The following DCC variants were observed in gnomAD, a reference collection of about 807,000 sequenced individuals.
DCC encodes netrin receptor DCC.
Under a neutral mutation model 172.5 loss-of-function variants are expected in DCC, and 58 were observed. That is an observed-to-expected ratio of 0.34 (90% CI 0.27 to 0.42). The LOEUF (loss-of-function observed/expected upper bound fraction) is 0.42. Among genes scored for constraint, DCC ranks in the 10% least tolerant of loss-of-function variants. DCC has a pLI of 1.00. For missense variants in DCC, 1,740 were observed against 1,791.0 expected (o/e 0.97, Z 0.51); for synonymous variants, 709 against 644.5 (o/e 1.10, Z -1.52).
chr18:53,501,164 T>C (rs576647423), intron 27 of DCC, among the ~76,000 whole-genome samples: 1 of 152,322 alleles, frequency 6.6e-6, no homozygotes, highest in East Asian at 1.9e-4. Flanking sequence ...ATAACGAGCC[T>C]TTAATGAATC....
At chr18:52,804,485 G>A (rs762025339) in intron 2 of DCC, among the ~76,000 whole-genome samples, 6 of 152,056 alleles carry the variant, frequency 3.9e-5, no homozygotes, top group Admixed American at 2.0e-4. Context: ...AAGTATCATC[G>A]GTTTATAGAC....
chr18:52,425,851 C>T (rs138283250), intron 1 of DCC, among the ~76,000 whole-genome samples: 159 of 152,202 alleles, frequency 1.0e-3, no homozygotes, highest in African/African-American at 3.7e-3. Context: ...AAGACAATAC[C>T]TACCTCCCAT....
chr18:53,317,226 A>C (rs910775733), intron 13 of DCC, among the ~76,000 whole-genome samples: 1 of 152,154 alleles, frequency 6.6e-6, no homozygotes, highest in African/African-American at 2.4e-5. Flanking sequence ...CTTTGTGACA[A>C]AATATCTCAA....
At chr18:52,865,197 C>G (rs2039204313) in intron 2 of DCC, among the ~76,000 whole-genome samples, 1 of 152,088 alleles carries the variant, frequency 6.6e-6, no homozygotes, top group Non-Finnish European at 1.5e-5. Flanking sequence ...GTATAGTATT[C>G]CATGGTATAT....
At chr18:52,449,857 A>T (rs1461263096) in intron 1 of DCC, among the ~76,000 whole-genome samples, 1 of 152,196 alleles carries the variant, frequency 6.6e-6, no homozygotes, top group African/African-American at 2.4e-5. Context: ...CATGTAAGAC[A>T]TCCCTTTGCT....
intron 12 of DCC, among the ~76,000 whole-genome samples, chr18:53,221,068 T>A (rs1027714836): frequency 6.6e-6 from 1 of 152,156 alleles, no homozygotes; most frequent in South Asian, 2.1e-4. Flanking sequence ...GTAGAACTCA[T>A]CTTCAGATCT....
At chr18:53,414,462 A>G (rs1237403843) in intron 20 of DCC, among the ~76,000 whole-genome samples, 2 of 152,166 alleles carry the variant, frequency 1.3e-5, no homozygotes. Context: ...TTACTCTCAA[A>G]TTCATTGAAT....
At chr18:53,154,460 AT>A (rs1213418085) in intron 7 of DCC, among the ~76,000 whole-genome samples, 1 of 152,168 alleles carries the variant, frequency 6.6e-6, no homozygotes, top group Admixed American at 6.5e-5. Context: ...CCTGAAGACG[AT>A]TTGTGGAGGA....
chr18:53,035,160 C>CTGTG (rs56806063), intron 5 of DCC, among the ~76,000 whole-genome samples: 6,300 of 148,970 alleles, frequency 0.042, 159 homozygotes, highest in East Asian at 0.11. Flanking sequence ...AAACATTTAT[C>CTGTG]TGTGTGTGTG....
intron 7 of DCC, among the ~76,000 whole-genome samples, chr18:53,081,438 G>A (rs1382055469): frequency 6.6e-6 from 1 of 151,660 alleles, no homozygotes; most frequent in Non-Finnish European, 1.5e-5. Context: ...CAATGATTTA[G>A]AATCTCTAGA....
chr18:53,295,098 C>T (rs1345249559), intron 12 of DCC, among the ~76,000 whole-genome samples: 3 of 151,994 alleles, frequency 2.0e-5, no homozygotes, highest in Admixed American at 6.6e-5. Flanking sequence ...TTTATTACTG[C>T]ACAAATATTT....
chr18:52,415,105 A>G (rs577775355), intron 1 of DCC, among the ~76,000 whole-genome samples: 1 of 152,218 alleles, frequency 6.6e-6, no homozygotes, highest in Non-Finnish European at 1.5e-5. Context: ...TTTCATTATC[A>G]TTGTACAGAT....
chr18:52,845,417 G>T (rs895902981), intron 2 of DCC, among the ~76,000 whole-genome samples: 2 of 152,222 alleles, frequency 1.3e-5, no homozygotes, highest in Non-Finnish European at 2.9e-5. Flanking sequence ...CCATCATAAT[G>T]CAATGCCTAG....
intron 1 of DCC, among the ~76,000 whole-genome samples, chr18:52,606,417 T>A (rs912774689): frequency 6.6e-6 from 1 of 152,114 alleles, no homozygotes; most frequent in African/African-American, 2.4e-5. Flanking sequence ...ACAAAGTAGG[T>A]ATTCTAAAAC....
Position 52,964,841 on chromosome 18 carries a change from T to C in DCC, c.985+39471T>C, listed in dbSNP as rs376812219. Among the ~76,000 whole-genome samples, 6 of 152,204 alleles carry C rather than the reference T, an allele frequency of 3.9e-5. No individual in the cohort carries two copies. The East Asian group carries it at 5.8e-4, about 15-fold the overall frequency. On this transcript the variant is annotated intron_variant, in intron 5 of 28. Transcript: ENST00000442544. ...CAGCGCGTTGGCAAGGCTGCAGTCTTCTAGGTGCTCTAGGGGAAAATCCAT... is the reference window on the plus strand; with the variant it reads ...CAGCGCGTTGGCAAGGCTGCAGTCTCCTAGGTGCTCTAGGGGAAAATCCAT...
At chr18:52,532,826 G>A (rs2032188866) in intron 1 of DCC, among the ~76,000 whole-genome samples, 1 of 151,940 alleles carries the variant, frequency 6.6e-6, no homozygotes, top group South Asian at 2.1e-4. Flanking sequence ...TCCTTCTAAA[G>A]TAGACCATTC....
At chr18:52,352,088 A>G (rs1984149520) in intron 1 of DCC, among the ~76,000 whole-genome samples, 1 of 152,208 alleles carries the variant, frequency 6.6e-6, no homozygotes, top group South Asian at 2.1e-4. Context: ...TATAAAATGG[A>G]CACAAAATCA....
At chr18:52,966,217 G>T (rs528526256) in intron 5 of DCC, among the ~76,000 whole-genome samples, 1 of 152,216 alleles carries the variant, frequency 6.6e-6, no homozygotes, top group East Asian at 1.9e-4. Context: ...GTTATGGCAT[G>T]GTCATGAATA....
intron 1 of DCC, among the ~76,000 whole-genome samples, chr18:52,617,387 A>C (rs2034403203): frequency 6.6e-6 from 1 of 152,172 alleles, no homozygotes; most frequent in African/African-American, 2.4e-5. Context: ...TTGAATGCTT[A>C]ATGTTAATGG....
Sources: allele counts gnomAD v4.1 joint callset (sites outside exome capture counted in the v4.1 genomes callset), GRCh38; gene constraint gnomAD v4.1.1; transcripts MANE v1.5; gene names NCBI Gene and HGNC (gene_info 2026-07-23, HGNC 2026-07-21).